The following MROH2A variants were observed in gnomAD, a reference collection of about 807,000 sequenced individuals.
The protein encoded by MROH2A is maestro heat like repeat family member 2A.
Under a neutral mutation model 200.4 loss-of-function variants are expected in MROH2A, and 174 were observed. That is an observed-to-expected ratio of 0.87 (90% CI 0.77 to 0.98). The LOEUF (loss-of-function observed/expected upper bound fraction) is 0.98, where lower values mean the gene tolerates loss of function less well. MROH2A is among the 50% of genes least tolerant of loss of function. MROH2A has a pLI of 0.00. For synonymous variants in MROH2A, 829 were observed against 840.4 expected (o/e 0.99, Z 0.23); for missense variants, 2,045 against 2,139.6 (o/e 0.96, Z 0.87).
chr2:233,777,941 C>T (rs1427390105), upstream of MROH2A, among the ~76,000 whole-genome samples: 2 of 152,130 alleles, frequency 1.3e-5, no homozygotes, highest in Non-Finnish European at 2.9e-5. Flanking sequence ...AATCCAATTT[C>T]TTATCCTGCA....
At chr2:233,830,272 G>A (rs185241500) in intron 38 of MROH2A, among the ~76,000 whole-genome samples, 1 of 152,290 alleles carries the variant, frequency 6.6e-6, no homozygotes, top group East Asian at 1.9e-4. Flanking sequence ...TCTCATTTGA[G>A]TTGCTGCCTC....
rs1476606287 is a variant in MROH2A, at chr2:233,793,694, C to T, written c.692C>T (p.Thr231Met). ...GTAGCCATGGAGACCTTCTGTGAGA[C>T]GGTGCAGTTTTATCTGAAGCACCTG... The part of the protein sequence containing the change: ...ICSAMETFCE[T>M]VQFYLKHLEE... Residue 231 changes from threonine to methionine, a missense_variant, in exon 7 of 42, where the codon ACG becomes ATG. Around this residue, in one of 3 missense-constraint regions of MROH2A, gnomAD observed 831 missense variants for 800.0 expected, o/e 1.04. Coordinates refer to ENST00000389758, the MANE Select transcript of MROH2A (RefSeq NM_001394639.1). 35 of 1,433,080 alleles carry T rather than the reference C, an allele frequency of 2.4e-5. No homozygotes were observed. The highest frequency in any genetic ancestry group is 5.8e-5 in the East Asian group (2 of 34,768). The allele number at this position is 1,433,080 out of a possible 1,614,324, so 88.8% of individuals were successfully genotyped here. A position where few individuals can be genotyped will look rare whatever the true frequency, so the allele number is the denominator to read the frequency against.
chr2:233,823,765 G>A (rs1347226566), intron 35 of MROH2A, 101 bp downstream of exon 35: 1 of 1,433,782 alleles, frequency 7.0e-7, no homozygotes. Context: ...GGAGTCGGGG[G>A]GACAGGCGAG....
intron 11 of MROH2A, 67 bp from the exon 12 acceptor site, chr2:233,798,707 G>A (rs1380778617): frequency 8.5e-7 from 1 of 1,176,492 alleles, no homozygotes; most frequent in Non-Finnish European, 1.2e-6. Flanking sequence ...AGGCCCTGAT[G>A]TGGGACGAGC....
At chr2:233,815,868 G>A (rs1312748259) in intron 26 of MROH2A, among the ~76,000 whole-genome samples, 1 of 125,240 alleles carries the variant, frequency 8.0e-6, no homozygotes, top group Non-Finnish European at 1.6e-5. Context: ...TTTTTTTGCT[G>A]CATCTCACAG....
At chr2:233,792,534 C>T (rs575525230) in intron 5 of MROH2A, among the ~76,000 whole-genome samples, 9 of 152,212 alleles carry the variant, frequency 5.9e-5, no homozygotes, top group African/African-American at 1.9e-4. Flanking sequence ...AGGATGACCT[C>T]GATCTCCTGA....
Position 233,821,973 on chromosome 2 carries a change from C to T in MROH2A, c.3513-151C>T, listed in dbSNP as rs901159851. 33 of 852,242 alleles carry T rather than the reference C, an allele frequency of 3.9e-5. No individual in the cohort carries two copies. The African/African-American group carries it at 4.4e-4, about 11-fold the overall frequency. 52.8% of individuals were successfully genotyped at this position (852,242 alleles called of 1,614,324 possible). A position where few individuals can be genotyped will look rare whatever the true frequency, so the allele number is the denominator to read the frequency against. ...GTGTCAGGGGCCTGGGTTCTAAGCA[C>T]GCAAATTTTGGCGGCTCCCTCCGCC... On this transcript the variant is annotated intron_variant, in intron 31 of 41. Transcript: ENST00000389758.
At chr2:233,825,116 T>C (rs1420375273) in intron 35 of MROH2A, among the ~76,000 whole-genome samples, 2 of 152,222 alleles carry the variant, frequency 1.3e-5, no homozygotes, top group Non-Finnish European at 2.9e-5. Context: ...GATTTGGCTC[T>C]CTGCTTGCCT....
Position 233,827,691 on chromosome 2 carries a change from GCTTGCA to G in MROH2A, c.4114-935_4114-930del, listed in dbSNP as rs1010597504. On this transcript the variant is annotated intron_variant, in intron 35 of 41. Transcript: ENST00000389758. ...TGACACACGTCTACCTATGTAACAA[GCTTGCA>G]CTTCCTGCACATGTACCCCAGAACT... is the stretch of plus-strand genomic sequence containing the variant. 4.1e-4 allele frequency among the ~76,000 whole-genome samples: 62 copies of G among 152,106 alleles called. 1 individual carries two copies. Among genetic ancestry groups the G allele is most frequent in the African/African-American group, 1.3e-3 (54 of 41,494 alleles).
At chr2:233,810,996 C>T in intron 23 of MROH2A, 80 bp downstream of exon 23, 1 of 1,485,776 alleles carries the variant, frequency 6.7e-7, no homozygotes, top group Non-Finnish European at 9.1e-7. Flanking sequence ...TTTCAAAGTT[C>T]CTGAGGGCAT....
rs1300494989 is a variant in MROH2A, at chr2:233,798,790, C to T, written c.1269C>T (p.Ile423=). Residue 423 remains isoleucine, a synonymous_variant, in exon 12 of 42, where the codon ATC becomes ATT. Transcript: ENST00000389758. ...CTCTTTCAGAGCCCAGGATGAGTAT[C>T]AGGGCCATCTACCTGGCTATCCGGG... The part of the protein sequence containing the change: ...IVSADEPRMS[I]RAIYLAIRVV... 2 of 1,550,516 alleles carry T rather than the reference C, an allele frequency of 1.3e-6. No individual in the cohort carries two copies. Among genetic ancestry groups the T allele is most frequent in the Non-Finnish European group, 1.7e-6 (2 of 1,146,932 alleles).
intron 7 of MROH2A, 70 bp from the exon 8 acceptor site, chr2:233,794,293 G>A (rs1488091797): frequency 7.8e-6 from 9 of 1,152,460 alleles, no homozygotes; most frequent in Non-Finnish European, 1.0e-5. Context: ...TTCTGTGGCT[G>A]GGGCTGAGGT....
Position 233,818,646 on chromosome 2 carries a change from C to T in MROH2A, c.3086-6C>T, listed in dbSNP as rs780337191. On this transcript the variant is annotated splice_polypyrimidine_tract_variant and splice_region_variant and intron_variant, in intron 28 of 41. Coordinates refer to ENST00000389758, the MANE Select transcript of MROH2A (RefSeq NM_001394639.1). ...CTGGTCATTTCTGAAGTTGTATTCC[C>T]GACAGCAAGCCAGACCTGCTCCTTG... is the stretch of plus-strand genomic sequence containing the variant. 1.1e-4 allele frequency: 165 copies of T among 1,530,096 alleles called. No homozygotes were observed. The highest frequency in any genetic ancestry group is 1.7e-4 in the African/African-American group (12 of 71,972). The allele number at this position is 1,530,096 out of a possible 1,614,324, so 94.8% of individuals were successfully genotyped here. A position where few individuals can be genotyped will look rare whatever the true frequency, so the allele number is the denominator to read the frequency against.
chr2:233,788,938 CAAAAAAAAAA>C (rs56084976), intron 3 of MROH2A, among the ~76,000 whole-genome samples: 16 of 47,484 alleles, frequency 3.4e-4, no homozygotes, highest in South Asian at 1.2e-3. Flanking sequence ...GACTCCGTCT[CAAAAAAAAAA>C]AAAAAAAAAA....
At position 233,811,935 on chromosome 2, in the gene MROH2A, C is replaced by T. The variant is rs527283094; in HGVS notation, c.2627C>T (p.Ala876Val). ...DNLVSPVRALAMEALSHLSKL... is the reference protein window; with the variant it reads ...DNLVSPVRALVMEALSHLSKL... Reference sequence around the variant, plus strand: ...CTGGTTTCTCCAGTGCGAGCCTTGGCGATGGAGGCCCTCTCGCACCTGAGG... The same window carrying T: ...CTGGTTTCTCCAGTGCGAGCCTTGGTGATGGAGGCCCTCTCGCACCTGAGG... Residue 876 changes from alanine to valine, a missense_variant, in exon 24 of 42, where the codon GCG (alanine) becomes GTG (valine). Physicochemically the swap from Ala to Val is moderately conservative, Grantham distance 64. Transcript: ENST00000389758. The T allele has an allele frequency of 2.8e-5, 43 of 1,549,986 alleles. No homozygotes were observed. The highest frequency in any genetic ancestry group is 2.7e-4 in the Admixed American group (14 of 50,982).
intron 3 of MROH2A, among the ~76,000 whole-genome samples, chr2:233,787,931 T>TTA (rs1559437213): frequency 2.5e-5 from 1 of 40,052 alleles, no homozygotes; most frequent in African/African-American, 1.2e-4. Context: ...TACATATATA[T>TTA]TATATATACA....
Position 233,820,193 on chromosome 2 carries a change from C to T in MROH2A, c.3512+137C>T. 5 of 718,324 alleles carry T rather than the reference C, an allele frequency of 7.0e-6. No individual in the cohort carries two copies. Among genetic ancestry groups the T allele is most frequent in the Non-Finnish European group, 1.0e-5 (5 of 483,322 alleles). 44.5% of individuals were successfully genotyped at this position (718,324 alleles called of 1,614,324 possible). A position where few individuals can be genotyped will look rare whatever the true frequency, so the allele number is the denominator to read the frequency against. ...CCTGAAGGAGGTCGAAGCCCTCTTC[C>T]TGTACCTCCTGCAGGAGGTGCCAGC... On this transcript the variant is annotated intron_variant, in intron 31 of 41. Transcript: ENST00000389758. This position sits in a 1 kb window ranked among gnomAD's most constrained non-coding sequence, Gnocchi z 4.1.
chr2:233,831,400 T>C lies in MROH2A; in HGVS notation c.4603-9T>C, dbSNP rs567079250. On this transcript the variant is annotated splice_polypyrimidine_tract_variant and intron_variant, in intron 38 of 41. Transcript: ENST00000389758. ...CTGATGGCTCTGCTGCCGTCCTGTGTCCCTGCAGGCCTGTATGGCTACCAT... is the reference window on the plus strand; with the variant it reads ...CTGATGGCTCTGCTGCCGTCCTGTGCCCCTGCAGGCCTGTATGGCTACCAT... 1 of 1,545,208 alleles carries C rather than the reference T, an allele frequency of 6.5e-7. No individual in the cohort carries two copies. The highest frequency in any genetic ancestry group is 1.2e-5 in the South Asian group (1 of 83,178).
chr2:233,824,086 G>C (rs1286004354), intron 35 of MROH2A, among the ~76,000 whole-genome samples: 1 of 152,140 alleles, frequency 6.6e-6, no homozygotes, highest in Admixed American at 6.5e-5. Context: ...ATGCACCCTA[G>C]GAACCAACCA....
Sources: allele counts gnomAD v4.1 joint callset (sites outside exome capture counted in the v4.1 genomes callset), GRCh38; gene constraint gnomAD v4.1.1; regional missense constraint gnomAD v4.1.1; non-coding constraint Gnocchi (gnomAD v3.1); transcripts MANE v1.5; gene names NCBI Gene and HGNC (gene_info 2026-07-23, HGNC 2026-07-21).